Variants in ATP13A3 observed in about 807,000 individuals in gnomAD.
The protein encoded by ATP13A3 is polyamine-transporting ATPase 13A3.
In ATP13A3, 59 loss-of-function variants were observed where a neutral mutation model predicts 158.1. That is an observed-to-expected ratio of 0.37 (90% CI 0.30 to 0.46). ATP13A3 has a LOEUF of 0.46. Ranked by LOEUF, ATP13A3 falls within the 20% of genes least tolerant of loss-of-function variation. The pLI, the probability that ATP13A3 is intolerant of heterozygous loss-of-function variation, is 1.00. For synonymous variants in ATP13A3, 491 were observed against 504.3 expected (o/e 0.97, Z 0.35); for missense variants, 1,166 against 1,525.2 (o/e 0.76, Z 3.92).
chr3:194,431,924 A>C, intron 21 of ATP13A3, 32 bp from the exon 22 acceptor site: 1 of 1,504,422 alleles, frequency 6.6e-7, no homozygotes, highest in Non-Finnish European at 8.9e-7. Flanking sequence ...ATGTATTGAA[A>C]TTAAAATGGA....
At chr3:194,409,909 G>A (rs1461221517) in intron 33 of ATP13A3, among the ~76,000 whole-genome samples, 3 of 151,826 alleles carry the variant, frequency 2.0e-5, no homozygotes, top group Non-Finnish European at 4.4e-5. Flanking sequence ...CTACACAGAA[G>A]TAGCAGAGAA....
In ATP13A3 at chr3:194,427,114, T is replaced by C. The variant is rs1031063263; in HGVS notation, c.3086A>G (p.Lys1029Arg). Residue 1029 changes from lysine (K) to arginine (R), a missense_variant, in exon 29 of 34, where the codon AAA becomes AGA. By Grantham distance (26) the Lys-to-Arg change is conservative (BLOSUM62 2). Around this residue, in one of 3 missense-constraint regions of ATP13A3, gnomAD observed 997 missense variants for 1,341.2 expected, o/e 0.74. Coordinates refer to ENST00000645319, the MANE Select transcript of ATP13A3 (RefSeq NM_001367549.1). ...GFQSLGFFWV[K>R]QQPWYEVWHP... Reference sequence around the variant, plus strand: ...CCACACTTCATACCAAGGTTGCTGTTTGACCCAAAAAAAACCCAAAGATTG... The same window carrying C: ...CCACACTTCATACCAAGGTTGCTGTCTGACCCAAAAAAAACCCAAAGATTG... The C allele has an allele frequency of 1.6e-5, 26 of 1,613,504 alleles. No homozygotes were observed. The highest frequency in any genetic ancestry group is 2.7e-5 in the African/African-American group (2 of 74,848).
intron 14 of ATP13A3, 122 bp from the exon 15 acceptor site, chr3:194,444,908 T>G: frequency 1.5e-6 from 1 of 659,178 alleles, no homozygotes; most frequent in East Asian, 2.9e-5. Flanking sequence ...CATAATGGAG[T>G]TCTACAGAGT....
At chr3:194,468,027 T>C in intron 2 of ATP13A3, 1 of 152,178 alleles carries the variant, frequency 6.6e-6, no homozygotes, top group East Asian at 1.9e-4. Context: ...TGCACAGCTT[T>C]CAAAAGCTGG....
chr3:194,418,124 G>A (rs897994230), intron 31 of ATP13A3, among the ~76,000 whole-genome samples: 1 of 152,092 alleles, frequency 6.6e-6, no homozygotes, highest in African/African-American at 2.4e-5. Flanking sequence ...ATAAGCAATT[G>A]CTGAAACAAA....
intron 2 of ATP13A3, among the ~76,000 whole-genome samples, chr3:194,485,213 C>A (rs1466366689): frequency 1.3e-5 from 2 of 152,084 alleles, no homozygotes; most frequent in Admixed American, 1.3e-4. Context: ...ATCAAAGATA[C>A]CAGCAAAAGT....
rs1449976925 is a variant in ATP13A3 at position 194,413,820 on chromosome 3, T to G, written c.3422A>C (p.Gln1141Pro). 1 of 1,613,670 alleles carries G rather than the reference T, an allele frequency of 6.2e-7. No homozygotes were observed. The highest frequency in any genetic ancestry group is 8.5e-7 in the Non-Finnish European group (1 of 1,179,716). ...QVLQIVCVPYQWRVTMLIIVL... is the reference protein window; with the variant it reads ...QVLQIVCVPYPWRVTMLIIVL... ...AATGATGAGCATAGTTACACGCCAC[T>G]GATATGGTACACACACTATCTGTAA... The change falls in exon 32 of 34, where the codon CAG becomes CCG. Residue 1141 changes from glutamine to proline, a missense_variant. Around this residue, in one of 3 missense-constraint regions of ATP13A3, gnomAD observed 997 missense variants for 1,341.2 expected, o/e 0.74. Coordinates refer to ENST00000645319, the MANE Select transcript of ATP13A3 (RefSeq NM_001367549.1).
chr3:194,460,774 T>C lies in ATP13A3; in HGVS notation c.109A>G (p.Ile37Val), dbSNP rs1478296469. The change falls in exon 4 of 34, where the codon ATT becomes GTT. Residue 37 changes from isoleucine to valine, a missense_variant. Physicochemically the swap from Ile to Val is conservative, Grantham distance 29 (BLOSUM62 3). Transcript: ENST00000645319. ...AGGAGGAGAAACCCACCAGAGCAAA[T>C]CACTCCTAAAGAAACTATGGCAAGC... is the stretch of plus-strand genomic sequence containing the variant. ...WKLAIVSLGV[I>V]CSGGFLLLLL... 18 of 1,614,028 alleles carry C rather than the reference T, an allele frequency of 1.1e-5. No homozygotes were observed. The highest frequency in any genetic ancestry group is 1.7e-4 in the Middle Eastern group (1 of 6,060).
rs1560107392 is a variant in ATP13A3, at chr3:194,462,216, G to T, written c.-26C>A. On this transcript the variant is annotated 5_prime_UTR_variant, in exon 3 of 34. Transcript: ENST00000645319. ...ACCTACAGTGGATTAAAGGTCCAGT[G>T]CTTCAAACAATGGAAGATCACTGAG... is the stretch of plus-strand genomic sequence containing the variant. 2 of 1,604,534 alleles carry T rather than the reference G, an allele frequency of 1.2e-6. No individual in the cohort carries two copies. Among genetic ancestry groups the T allele is most frequent in the Admixed American group, 1.7e-5 (1 of 59,980 alleles).
At position 194,404,693 on chromosome 3, in the gene ATP13A3, T is replaced by C. The variant is rs1031784099; in HGVS notation, c.*1226A>G. On this transcript the variant is annotated 3_prime_UTR_variant, in exon 34 of 34. Coordinates refer to ENST00000645319, the MANE Select transcript of ATP13A3 (RefSeq NM_001367549.1). The stretch of plus-strand genomic sequence containing the variant: ...GGCCAAACAGAAAGGTGAAAAATGT[T>C]TCTCCACATCTCTTTTGGCTCAATG... 2 of 152,222 alleles carry C rather than the reference T, an allele frequency of 1.3e-5. No homozygotes were observed. Among genetic ancestry groups the C allele is most frequent in the Admixed American group, 1.3e-4 (2 of 15,290 alleles). 9.4% of individuals were successfully genotyped at this position (152,222 alleles called of 1,614,324 possible). A position where few individuals can be genotyped will look rare whatever the true frequency, so the allele number is the denominator to read the frequency against.
chr3:194,441,209 CTG>C, intron 16 of ATP13A3, 100 bp downstream of exon 16: 10 of 923,100 alleles, frequency 1.1e-5, no homozygotes, highest in Non-Finnish European at 1.6e-5. Context: ...ACAAGATAGA[CTG>C]TCATTAAAAC....
chr3:194,447,958 G>T lies in ATP13A3; in HGVS notation c.1202C>A (p.Pro401Gln), dbSNP rs1718518504. ...QLVRSILYPK[P>Q]TDFKLYRDAY... is the part of the protein sequence containing the mutation. ...ATCTCTGTAGAGTTTAAAATCAGTT[G>T]GTTTGGGATACAATATGGAACGAAC... Residue 401 changes from proline to glutamine, a missense_variant, in exon 13 of 34, where the codon CCA (proline) becomes CAA (glutamine). This residue lies in a region of ATP13A3 where 997 missense variants were observed against 1,341.2 expected (regional missense o/e 0.74). Transcript: ENST00000645319. 1 of 1,610,638 alleles carries T rather than the reference G, an allele frequency of 6.2e-7. No individual in the cohort carries two copies. Among genetic ancestry groups the T allele is most frequent in the Non-Finnish European group, 8.5e-7 (1 of 1,177,104 alleles).
chr3:194,473,812 A>C (rs916297830), intron 2 of ATP13A3, among the ~76,000 whole-genome samples: 25 of 152,244 alleles, frequency 1.6e-4, no homozygotes, highest in Non-Finnish European at 3.2e-4. Flanking sequence ...TAGATGAATA[A>C]TTTATGGAAT....
chr3:194,431,954 T>C (rs1243141569), intron 21 of ATP13A3, 62 bp from the exon 22 acceptor site: 4 of 1,333,494 alleles, frequency 3.0e-6, no homozygotes, highest in Non-Finnish European at 4.0e-6. Flanking sequence ...GTATCAAACA[T>C]GTACTTGCTG....
chr3:194,452,967 T>C (rs1173517223), intron 10 of ATP13A3: 1 of 152,270 alleles, frequency 6.6e-6, no homozygotes, highest in African/African-American at 2.4e-5. Context: ...TATAAATAAA[T>C]GAATTTGATA....
chr3:194,481,959 A>G (rs1198471555), intron 2 of ATP13A3, among the ~76,000 whole-genome samples: 2 of 152,232 alleles, frequency 1.3e-5, no homozygotes, highest in African/African-American at 4.8e-5. Flanking sequence ...TTACCATCTC[A>G]GACTCTAGCA....
chr3:194,435,034 G>A (rs1717521805), intron 20 of ATP13A3, among the ~76,000 whole-genome samples: 1 of 152,174 alleles, frequency 6.6e-6, no homozygotes, highest in Admixed American at 6.5e-5. Flanking sequence ...TCAGAGACTA[G>A]AATTTCAGAC....
At chr3:194,492,399 C>G (rs1354802699) in intron 2 of ATP13A3, among the ~76,000 whole-genome samples, 1 of 151,984 alleles carries the variant, frequency 6.6e-6, no homozygotes, top group East Asian at 1.9e-4. Flanking sequence ...CAAAAATACT[C>G]AAGTTTCTTG....
At chr3:194,411,367 C>T (rs953901784) in intron 33 of ATP13A3, among the ~76,000 whole-genome samples, 1 of 152,170 alleles carries the variant, frequency 6.6e-6, no homozygotes, top group African/African-American at 2.4e-5. Context: ...CATCACCCAT[C>T]TCTAAAGAAA....
Sources: gnomAD v4.1 joint callset for allele counts (sites outside exome capture counted in the v4.1 genomes callset) on GRCh38, gnomAD v4.1.1 for gene constraint, gnomAD v4.1.1 regional missense constraint, MANE v1.5 for transcripts, NCBI Gene and HGNC (gene_info 2026-07-23, HGNC 2026-07-21) for gene names.